The following DOCK7 variants were observed in gnomAD, a reference collection of about 807,000 sequenced individuals.
The protein encoded by DOCK7 is dedicator of cytokinesis protein 7.
Under a neutral mutation model 271.0 loss-of-function variants are expected in DOCK7, and 138 were observed. The observed-to-expected ratio is 0.51, with a 90% CI of 0.44 to 0.59. The LOEUF (loss-of-function observed/expected upper bound fraction) is 0.59. Ranked by LOEUF, DOCK7 falls within the 20% of genes least tolerant of loss-of-function variation. The pLI, the probability that DOCK7 is intolerant of heterozygous loss-of-function variation, is 0.00. For missense variants in DOCK7, 2,066 were observed against 2,592.4 expected, an observed-to-expected ratio of 0.80 and a Z score of 4.41; for synonymous variants, 823 against 876.1, an observed-to-expected ratio of 0.94 and a Z score of 1.07.
At chr1:62,646,858 T>C (rs892465868) in intron 7 of DOCK7, among the ~76,000 whole-genome samples, 1 of 152,234 alleles carries the variant, frequency 6.6e-6, no homozygotes, top group Admixed American at 6.5e-5. Context: ...TACCACTAAC[T>C]TGTATACTTT....
intron 28 of DOCK7, among the ~76,000 whole-genome samples, chr1:62,537,126 C>T (rs189860438): frequency 3.7e-4 from 56 of 152,292 alleles, no homozygotes; most frequent in African/African-American, 1.2e-3. Context: ...CACTTCCTTT[C>T]ACAGGTATTG....
intron 48 of DOCK7, among the ~76,000 whole-genome samples, chr1:62,471,751 C>T (rs773328980): frequency 2.0e-4 from 31 of 152,004 alleles, no homozygotes; most frequent in South Asian, 8.3e-4. Flanking sequence ...ATAAACTATA[C>T]CACATTCAAA....
chr1:62,539,839 C>T lies in DOCK7; in HGVS notation c.3099G>A (p.Arg1033=), dbSNP rs151021096. 13 of 1,613,534 alleles carry T rather than the reference C, an allele frequency of 8.1e-6. No individual in the cohort carries two copies. The African/African-American group carries it at 1.2e-4, about 15-fold the overall frequency. The change falls in exon 26 of 50, where the codon AGG becomes AGA. Residue 1033 remains arginine, a synonymous_variant. Transcript: ENST00000635253. ...TGAAACGTTCTGGAAAACGACTTTT[C>T]CTTGGAGCCTCAAGTTTATCATTAA... ...LYFNDKLEAP[R]KSRFPERFMD...
chr1:62,534,149 C>G (rs1401167106), intron 29 of DOCK7, among the ~76,000 whole-genome samples: 1 of 152,096 alleles, frequency 6.6e-6, no homozygotes, highest in Non-Finnish European at 1.5e-5. Context: ...CAGACATGAG[C>G]CACCATGTGT....
intron 48 of DOCK7, among the ~76,000 whole-genome samples, chr1:62,469,791 A>G (rs1298804083): frequency 6.6e-6 from 1 of 152,136 alleles, no homozygotes; most frequent in Non-Finnish European, 1.5e-5. Flanking sequence ...AGACATACAA[A>G]TGGCCAACAT....
chr1:62,553,348 ATATATATTTTTTTTTTTT>A (rs1257158412), intron 21 of DOCK7, among the ~76,000 whole-genome samples: 54 of 22,600 alleles, frequency 2.4e-3, no homozygotes, highest in Non-Finnish European at 2.7e-3. Context: ...ATATATATAT[ATATATATTTTTTTTTTTT>A]TTTTTTTTTT....
intron 1 of DOCK7, among the ~76,000 whole-genome samples, chr1:62,665,669 T>C (rs1001032851): frequency 7.6e-5 from 10 of 131,490 alleles, no homozygotes; most frequent in Non-Finnish European, 7.6e-5. Flanking sequence ...CAAGCCGAGA[T>C]TGCGCCACTG....
intron 2 of DOCK7, among the ~76,000 whole-genome samples, chr1:62,656,885 T>A (rs929179106): frequency 2.0e-5 from 3 of 152,120 alleles, no homozygotes; most frequent in African/African-American, 7.2e-5. Context: ...AGACTATAAC[T>A]GCACAAAGGC....
chr1:62,682,634 C>T (rs1045343312), intron 1 of DOCK7, among the ~76,000 whole-genome samples: 5 of 152,120 alleles, frequency 3.3e-5, no homozygotes, highest in African/African-American at 1.2e-4. Flanking sequence ...AATTCAAGTA[C>T]ACATAAGGTA....
At chr1:62,564,501 A>T (rs1434631865) in intron 18 of DOCK7, among the ~76,000 whole-genome samples, 1 of 152,226 alleles carries the variant, frequency 6.6e-6, no homozygotes, top group Non-Finnish European at 1.5e-5. Flanking sequence ...CCTTGAAACC[A>T]ATGAGAACAA....
At chr1:62,514,105 G>T (rs1644586902) in intron 31 of DOCK7, among the ~76,000 whole-genome samples, 1 of 152,152 alleles carries the variant, frequency 6.6e-6, no homozygotes. Context: ...AACCTTTCCT[G>T]ATAACAGAAG....
rs543243257 is a variant in DOCK7 at position 62,460,439 on chromosome 1, T to A, written c.6213-2734A>T. The stretch of plus-strand genomic sequence containing the variant: ...AACTATTTACATTATATATTAGGTA[T>A]TTTAAGTAGTCTAAAATGATTTAAA... On this transcript the variant is annotated intron_variant, in intron 48 of 49. Coordinates refer to ENST00000635253, the MANE Select transcript of DOCK7 (RefSeq NM_001367561.1). Among the ~76,000 whole-genome samples, 3 of 152,288 alleles carry A rather than the reference T, an allele frequency of 2.0e-5. No individual in the cohort carries two copies. In the East Asian group the frequency reaches 5.8e-4, roughly 29 times the overall value.
At chr1:62,664,966 C>T (rs1571947762) in intron 1 of DOCK7, among the ~76,000 whole-genome samples, 1 of 152,170 alleles carries the variant, frequency 6.6e-6, no homozygotes, top group South Asian at 2.1e-4. Flanking sequence ...GGAACATTCG[C>T]TTCAGTTTAG....
chr1:62,602,454 G>A, intron 14 of DOCK7: 1 of 1,328,872 alleles, frequency 7.5e-7, no homozygotes, highest in Non-Finnish European at 1.1e-6. Flanking sequence ...TTATGGACCA[G>A]GTATTAGGAA....
chr1:62,662,050 A>T (rs1353778472), intron 2 of DOCK7, among the ~76,000 whole-genome samples: 1 of 152,180 alleles, frequency 6.6e-6, no homozygotes, highest in South Asian at 2.1e-4. Flanking sequence ...TTATATCATT[A>T]TAAGTCGATC....
chr1:62,574,455 G>C (rs1646881204), intron 18 of DOCK7, among the ~76,000 whole-genome samples: 1 of 152,118 alleles, frequency 6.6e-6, no homozygotes, highest in South Asian at 2.1e-4. Flanking sequence ...GAGGGGTATA[G>C]ATTTCCAAGG....
chr1:62,675,124 T>C (rs1365432106), intron 1 of DOCK7, among the ~76,000 whole-genome samples: 4 of 151,968 alleles, frequency 2.6e-5, no homozygotes, highest in Admixed American at 2.6e-4. Flanking sequence ...CACTGAAAAA[T>C]GAATAAGAGG....
chr1:62,663,224 A>G (rs753646790), intron 1 of DOCK7, 94 bp from the exon 2 acceptor site: 1 of 978,448 alleles, frequency 1.0e-6, no homozygotes, highest in Non-Finnish European at 1.5e-6. Flanking sequence ...TTAAAGATTC[A>G]TTTAAAGAAA....
At chr1:62,644,840 C>A (rs1656450498) in intron 7 of DOCK7, among the ~76,000 whole-genome samples, 1 of 151,940 alleles carries the variant, frequency 6.6e-6, no homozygotes, top group Admixed American at 6.5e-5. Context: ...TTATCATAGA[C>A]AAATCAGATG....
Sources: allele counts gnomAD v4.1 joint callset (sites outside exome capture counted in the v4.1 genomes callset), GRCh38; gene constraint gnomAD v4.1.1; transcripts MANE v1.5; gene names NCBI Gene and HGNC (gene_info 2026-07-23, HGNC 2026-07-21).